Variants in USH2A observed in about 807,000 individuals in gnomAD.
USH2A encodes the protein usherin.
Under a neutral mutation model 538.9 loss-of-function variants are expected in USH2A, and 443 were observed. The observed-to-expected ratio is 0.82, with a 90% CI of 0.76 to 0.89. The LOEUF (loss-of-function observed/expected upper bound fraction) is 0.89. USH2A is among the 40% of genes least tolerant of loss of function. The probability of loss-of-function intolerance (pLI) is 0.00; values close to 1 mark genes in which losing one functional copy is unlikely to be tolerated. For missense variants in USH2A, 6,633 were observed against 6,324.8 expected, an observed-to-expected ratio of 1.05 and a Z score of -1.65; for synonymous variants, 2,413 against 2,273.5, an observed-to-expected ratio of 1.06 and a Z score of -1.75.
At chr1:216,355,375 G>GAAAGA (rs748251919) in intron 4 of USH2A, among the ~76,000 whole-genome samples, 8 of 133,850 alleles carry the variant, frequency 6.0e-5, no homozygotes, top group African/African-American at 1.9e-4. Context: ...AAGAAAGAAA[G>GAAAGA]AAGGAAAGAA....
At chr1:215,683,304 A>T (rs1658305118) in intron 61 of USH2A, among the ~76,000 whole-genome samples, 1 of 152,122 alleles carries the variant, frequency 6.6e-6, no homozygotes, top group African/African-American at 2.4e-5. Context: ...TCTAAACAAT[A>T]GCCATGGTTT....
intron 47 of USH2A, among the ~76,000 whole-genome samples, chr1:215,824,283 G>C (rs913293920): frequency 4.6e-5 from 7 of 152,016 alleles, no homozygotes; most frequent in African/African-American, 1.7e-4. Context: ...ATTTATTGCA[G>C]TCTTCTCTGG....
rs79444516 is a variant in USH2A at position 215,998,957 on chromosome 1, C to G, written c.6587G>C (p.Ser2196Thr). The G allele has an allele frequency of 6.8e-3, 11,040 of 1,613,082 alleles. 623 individuals carry two copies. The African/African-American group carries it at 0.13, about 19-fold the overall frequency. ...CATATGATCCTGGAAAAGTTCTGTA[C>G]TGTTATAGATGACACTCCAAATTGT... ...DFTIWSVIYN[S>T]TELFQDHMLQ... Residue 2196 changes from serine (S) to threonine (T), a missense_variant, in exon 34 of 72, where the codon AGT (serine) becomes ACT (threonine). Transcript: ENST00000307340.
rs373984912 is a variant in USH2A at position 215,844,783 on chromosome 1, C to G, written c.9056-287G>C. 2.4e-4 allele frequency among the ~76,000 whole-genome samples: 37 copies of G among 152,302 alleles called. No homozygotes were observed. The East Asian group carries it at 6.6e-3, about 27-fold the overall frequency. On this transcript the variant is annotated intron_variant, in intron 45 of 71. Coordinates refer to ENST00000307340, the MANE Select transcript of USH2A (RefSeq NM_206933.4). ...ATAAATTATTCACCCATCTGCACCA[C>G]TAACACTTATCTATTTTTTGTCTTT...
chr1:215,630,482 GTATATATATATATATA>G lies in USH2A; in HGVS notation c.15298-1463_15298-1448del, dbSNP rs1158726890. ...TATATATGTATGTGTATGTGTGTGT[GTATATATATATATATA>G]TATATATATATATATATATATATAT... On this transcript the variant is annotated intron_variant, in intron 70 of 71. Coordinates refer to ENST00000307340, the MANE Select transcript of USH2A (RefSeq NM_206933.4). 6.6e-3 allele frequency among the ~76,000 whole-genome samples: 148 copies of G among 22,554 alleles called. 2 individuals are homozygous for G. Among genetic ancestry groups the G allele is most frequent in the Middle Eastern group, 0.031 (1 of 32 alleles). The allele number at this position is 22,554 out of a possible 152,430, so 14.8% of individuals were successfully genotyped here.
intron 3 of USH2A, among the ~76,000 whole-genome samples, chr1:216,411,244 A>T (rs1450119422): frequency 6.6e-6 from 1 of 152,102 alleles, no homozygotes; most frequent in East Asian, 1.9e-4. Flanking sequence ...AAGGGCATTT[A>T]CACTATTTGC....
At chr1:216,218,297 A>G (rs2035385253) in intron 14 of USH2A, among the ~76,000 whole-genome samples, 1 of 152,130 alleles carries the variant, frequency 6.6e-6, no homozygotes, top group African/African-American at 2.4e-5. Context: ...TTTTGCCATG[A>G]TAGAAACTAA....
chr1:216,185,585 G>A (rs141550833), intron 20 of USH2A, among the ~76,000 whole-genome samples: 2 of 151,946 alleles, frequency 1.3e-5, no homozygotes, highest in Non-Finnish European at 2.9e-5. Flanking sequence ...AGACATAAGA[G>A]TTAAATTTCC....
chr1:216,302,163 G>A (rs1047411694), intron 9 of USH2A, among the ~76,000 whole-genome samples: 8 of 152,168 alleles, frequency 5.3e-5, no homozygotes, highest in Admixed American at 4.6e-4. Context: ...CAGATAAAGT[G>A]CCCAACTACA....
chr1:215,967,161 T>C (rs1455910204), intron 36 of USH2A, among the ~76,000 whole-genome samples: 1 of 152,148 alleles, frequency 6.6e-6, no homozygotes, highest in Non-Finnish European at 1.5e-5. Flanking sequence ...AACACTTTAA[T>C]ACATTGTAAT....
rs771732625 is a variant in USH2A, at chr1:216,422,232, A to C, written c.105T>G (p.Gly35=). The C allele has an allele frequency of 6.2e-7, 1 of 1,612,848 alleles. No individual in the cohort carries two copies. Among genetic ancestry groups the C allele is most frequent in the Admixed American group, 1.7e-5 (1 of 59,834 alleles). The change falls in exon 2 of 72, where the codon GGT becomes GGG. Residue 35 remains glycine, a synonymous_variant. Coordinates refer to ENST00000307340, the MANE Select transcript of USH2A (RefSeq NM_206933.4). ...CCACGTTCTCCAGCCTTGGGAAAAG[A>C]CCTCGTGACTCAGTCAAGGATATTG... ...FASISLTESR[G]LFPRLENVGA...
chr1:216,422,339 T>C lies in USH2A; in HGVS notation c.-3A>G. On this transcript the variant is annotated 5_prime_UTR_variant, in exon 2 of 72. The change abolishes the stop of an existing upstream ORF in the 5' untranslated region. Coordinates refer to ENST00000307340, the MANE Select transcript of USH2A (RefSeq NM_206933.4). ...AATGAAAGAACTGGGCAATTCATGT[T>C]TACAAAAAAGCATTCTCCTCCTGAT... 6.2e-7 allele frequency: 1 copy of C among 1,613,624 alleles called. No individual in the cohort carries two copies. Among genetic ancestry groups the C allele is most frequent in the Non-Finnish European group, 8.5e-7 (1 of 1,179,790 alleles).
At chr1:215,716,972 T>A (rs1039454380) in intron 61 of USH2A, among the ~76,000 whole-genome samples, 3 of 152,176 alleles carry the variant, frequency 2.0e-5, no homozygotes, top group African/African-American at 7.2e-5. Flanking sequence ...GTCTCAAACC[T>A]TCACTCTTTT....
At chr1:216,271,690 G>C (rs1470124998) in intron 11 of USH2A, among the ~76,000 whole-genome samples, 1 of 151,990 alleles carries the variant, frequency 6.6e-6, no homozygotes, top group East Asian at 1.9e-4. Context: ...AAGTTCTCTT[G>C]TATTCCTAGT....
At chr1:216,311,136 T>C (rs1331879537) in intron 9 of USH2A, among the ~76,000 whole-genome samples, 1 of 152,176 alleles carries the variant, frequency 6.6e-6, no homozygotes, top group Non-Finnish European at 1.5e-5. Flanking sequence ...TGACATTGTG[T>C]CTGCATTGGT....
At chr1:215,665,972 G>A (rs761948054) in intron 64 of USH2A, among the ~76,000 whole-genome samples, 1 of 152,236 alleles carries the variant, frequency 6.6e-6, no homozygotes, top group Non-Finnish European at 1.5e-5. Flanking sequence ...CACAGAGAAT[G>A]TTTGCTTTCT....
intron 22 of USH2A, among the ~76,000 whole-genome samples, chr1:216,094,105 C>T (rs186803905): frequency 6.6e-5 from 10 of 152,080 alleles, no homozygotes; most frequent in African/African-American, 9.7e-5. Flanking sequence ...CAGATACTAA[C>T]AGGTTGAAGG....
Position 215,680,362 on chromosome 1 carries a change from T to C in USH2A, c.12081A>G (p.Gln4027=). The change falls in exon 62 of 72, where the codon CAA becomes CAG. Residue 4027 remains glutamine (Q), a synonymous_variant. Transcript: ENST00000307340. ...ATGGTTCTAACCCGTACAGGTGGGCTTGATGGCTTGTTCCCTGTAAGAAAA... is the reference window on the plus strand; with the variant it reads ...ATGGTTCTAACCCGTACAGGTGGGCCTGATGGCTTGTTCCCTGTAAGAAAA... The part of the protein sequence containing the change: ...HAFTVKGTSH[Q]AHLYGLEPFT... The C allele has an allele frequency of 1.2e-6, 2 of 1,613,696 alleles. No homozygotes were observed. The highest frequency in any genetic ancestry group is 1.7e-6 in the Non-Finnish European group (2 of 1,179,924).
At chr1:216,194,658 C>T (rs1229798741) in intron 19 of USH2A, among the ~76,000 whole-genome samples, 3 of 152,036 alleles carry the variant, frequency 2.0e-5, no homozygotes, top group Non-Finnish European at 4.4e-5. Context: ...TGGCCTGAGA[C>T]ATGCTAGGAT....
Sources: allele counts gnomAD v4.1 joint callset (sites outside exome capture counted in the v4.1 genomes callset), GRCh38; gene constraint gnomAD v4.1.1; transcripts MANE v1.5; gene names NCBI Gene and HGNC (gene_info 2026-07-23, HGNC 2026-07-21).